The following MYL4 variants were observed in gnomAD, a reference collection of about 807,000 sequenced individuals.
MYL4 encodes the protein myosin light chain 4.
Under a neutral mutation model 21.6 loss-of-function variants are expected in MYL4, and 16 were observed. The ratio of observed to expected loss-of-function variants is 0.74; its 90% CI spans 0.50 to 1.12. MYL4 has a LOEUF of 1.12. Among genes scored for constraint, MYL4 ranks in the 50% most tolerant of loss-of-function variants. The pLI, the probability that MYL4 is intolerant of heterozygous loss-of-function variation, is 0.00. For synonymous variants in MYL4, 82 were observed against 95.7 expected (o/e 0.86, Z 0.83); for missense variants, 249 against 252.9 (o/e 0.98, Z 0.11).
chr17:47,198,079 G>A (rs531756513), upstream of MYL4, among the ~76,000 whole-genome samples: 29 of 152,314 alleles, frequency 1.9e-4, 2 homozygotes, highest in South Asian at 6.0e-3. Flanking sequence ...AACAGCTGAG[G>A]ATTATGTGCA....
Position 47,218,442 on chromosome 17 carries a change from C to G in MYL4, c.164-1462C>G, listed in dbSNP as rs572879985. Among the ~76,000 whole-genome samples, 12 of 152,218 alleles carry G rather than the reference C, an allele frequency of 7.9e-5. No homozygotes were observed. In the South Asian group the frequency reaches 2.5e-3, roughly 32 times the overall value. ...TGGGTAGCATAAGGTAACTTAAATG[C>G]CCCTCCCAGGCCAAATTACCTCCAC... On this transcript the variant is annotated intron_variant, in intron 2 of 6. Transcript: ENST00000393450.
downstream of MYL4, among the ~76,000 whole-genome samples, chr17:47,225,584 C>T (rs1278952499): frequency 6.6e-6 from 1 of 152,140 alleles, no homozygotes; most frequent in Non-Finnish European, 1.5e-5. Context: ...GAAAACAGAT[C>T]CTTAAATGGG....
At chr17:47,197,092 GTTTTTTT>G (rs71365051), upstream of MYL4, among the ~76,000 whole-genome samples, 1 of 113,354 alleles carries the variant, frequency 8.8e-6, no homozygotes, top group Non-Finnish European at 1.7e-5. Context: ...TCCTTAAAGG[GTTTTTTT>G]TTTTTTTTTT....
intron 5 of MYL4, 39 bp from the exon 6 acceptor site, chr17:47,222,975 G>A (rs1004329977): frequency 5.6e-6 from 9 of 1,613,604 alleles, no homozygotes; most frequent in South Asian, 4.4e-5. Flanking sequence ...GCCTAGAGGC[G>A]CTGAGCCACA....
chr17:47,203,712 GC>G (rs1232173668), intron 1 of MYL4, among the ~76,000 whole-genome samples: 2 of 152,124 alleles, frequency 1.3e-5, no homozygotes, highest in African/African-American at 4.8e-5. Flanking sequence ...GATGAGTTGT[GC>G]TATTCAGGTG....
At chr17:47,204,788 T>C (rs2064721665), upstream of MYL4, among the ~76,000 whole-genome samples, 2 of 151,876 alleles carry the variant, frequency 1.3e-5, no homozygotes, top group South Asian at 4.1e-4. Context: ...GGCAGTCTGA[T>C]TCATGAGTCA....
chr17:47,212,962 G>A (rs2064787047), intron 1 of MYL4, among the ~76,000 whole-genome samples: 1 of 152,196 alleles, frequency 6.6e-6, no homozygotes, highest in South Asian at 2.1e-4. Context: ...TGCTGAAGGA[G>A]GGGTTGGAGT....
chr17:47,206,071 T>G (rs2064727277), upstream of MYL4, among the ~76,000 whole-genome samples: 1 of 152,138 alleles, frequency 6.6e-6, no homozygotes, highest in Non-Finnish European at 1.5e-5. Flanking sequence ...TTACTTAACA[T>G]TATTTCATAC....
At chr17:47,194,051 CT>C in the MYL4 span, among the ~76,000 whole-genome samples, 7 of 152,342 alleles carry the variant, frequency 4.6e-5, no homozygotes, top group South Asian at 4.1e-4. Flanking sequence ...TACCCCGCCC[CT>C]ATCCATTCTT....
chr17:47,214,808 T>C (rs1450265981), intron 2 of MYL4, among the ~76,000 whole-genome samples: 2 of 152,226 alleles, frequency 1.3e-5, no homozygotes, highest in African/African-American at 4.8e-5. Flanking sequence ...ATACACACTG[T>C]CCACCTTTTA....
chr17:47,193,458 G>T, the MYL4 span, among the ~76,000 whole-genome samples: 1 of 152,100 alleles, frequency 6.6e-6, no homozygotes, highest in Non-Finnish European at 1.5e-5. Flanking sequence ...AGTAGAGACG[G>T]AGTTTCGCCA....
chr17:47,218,699 A>G (rs1305626528), intron 2 of MYL4, among the ~76,000 whole-genome samples: 1 of 152,206 alleles, frequency 6.6e-6, no homozygotes, highest in Non-Finnish European at 1.5e-5. Context: ...AGGCACAGGA[A>G]TTGCTTGAAT....
chr17:47,197,663 C>T (rs935941161), upstream of MYL4, among the ~76,000 whole-genome samples: 1 of 117,432 alleles, frequency 8.5e-6, no homozygotes, highest in South Asian at 2.6e-4. Flanking sequence ...ACTTTCAGTA[C>T]AGTATTCAAT....
In MYL4 at chr17:47,217,995, C is replaced by T. The variant is rs761369232; in HGVS notation, c.164-1909C>T. ...GGCGGAGGTTGCAGTGAGCCGAAAT[C>T]GCGACATTGCACTCCAGCCTGGGCA... On this transcript the variant is annotated intron_variant, in intron 2 of 6. Coordinates refer to ENST00000393450, the MANE Select transcript of MYL4 (RefSeq NM_002476.2). Among the ~76,000 whole-genome samples, 15 of 149,446 alleles carry T rather than the reference C, an allele frequency of 1.0e-4. 1 individual carries two copies. The highest frequency in any genetic ancestry group is 6.8e-3 in the Middle Eastern group (2 of 292).
intron 1 of MYL4, among the ~76,000 whole-genome samples, chr17:47,213,575 C>T (rs2064791288): frequency 6.6e-6 from 1 of 152,042 alleles, no homozygotes; most frequent in Admixed American, 6.6e-5. Flanking sequence ...GTTGGTTGAA[C>T]CTGGGGAGGA....
intron 2 of MYL4, among the ~76,000 whole-genome samples, chr17:47,216,670 A>G (rs1363615295): frequency 6.6e-6 from 1 of 150,848 alleles, no homozygotes; most frequent in East Asian, 1.9e-4. Flanking sequence ...CTTATTAAGC[A>G]TCATGACATC....
At chr17:47,216,333 G>A (rs1183715791) in intron 2 of MYL4, among the ~76,000 whole-genome samples, 1 of 141,088 alleles carries the variant, frequency 7.1e-6, no homozygotes, top group Admixed American at 7.2e-5. Context: ...TCTAGTTGTA[G>A]TCCTAAACTT....
the MYL4 span, among the ~76,000 whole-genome samples, chr17:47,191,269 T>G: frequency 1.3e-5 from 2 of 152,176 alleles, no homozygotes; most frequent in East Asian, 3.9e-4. Context: ...TTGGGTCATC[T>G]TTGGAAACAA....
At chr17:47,196,058 G>T (rs994006851), upstream of MYL4, among the ~76,000 whole-genome samples, 1 of 152,170 alleles carries the variant, frequency 6.6e-6, no homozygotes, top group African/African-American at 2.4e-5. Flanking sequence ...TTATAGACTG[G>T]TTGCATCTCC....
Sources: gnomAD v4.1 joint callset for allele counts (sites outside exome capture counted in the v4.1 genomes callset) on GRCh38, gnomAD v4.1.1 for gene constraint, MANE v1.5 for transcripts, NCBI Gene and HGNC (gene_info 2026-07-23, HGNC 2026-07-21) for gene names.